The following MTMR3 variants were observed in gnomAD, a reference collection of about 807,000 sequenced individuals.
MTMR3 encodes phosphatidylinositol-3,5-bisphosphate 3-phosphatase MTMR3.
Under a neutral mutation model 132.4 loss-of-function variants are expected in MTMR3, and 32 were observed. The observed-to-expected ratio is 0.24, with a 90% CI of 0.18 to 0.32. MTMR3 has a LOEUF of 0.32. Among genes scored for constraint, MTMR3 ranks in the 10% least tolerant of loss-of-function variants. The pLI is 1.00. For synonymous variants in MTMR3, 556 were observed against 550.3 expected (o/e 1.01, Z -0.14); for missense variants, 1,216 against 1,489.6 (o/e 0.82, Z 3.02).
chr22:30,022,096 T>C lies in MTMR3; in HGVS notation c.3293T>C (p.Phe1098Ser). The C allele has an allele frequency of 1.2e-6, 2 of 1,614,216 alleles. No homozygotes were observed. The highest frequency in any genetic ancestry group is 1.7e-6 in the Non-Finnish European group (2 of 1,180,040). ...NCLSRCSTEI[F>S]SEASWEQVDK... ...TTGTCTCGCTGCAGCACAGAGATTT[T>C]CTCTGAAGCCAGCTGGGAGCAGGTG... Residue 1098 changes from phenylalanine (F) to serine (S), a missense_variant, in exon 18 of 20, where the codon TTC becomes TCC. By Grantham distance (155) the Phe-to-Ser change is radical (BLOSUM62 -2). This residue lies in a region of MTMR3 where 852 missense variants were observed against 852.0 expected (regional missense o/e 1.00). Transcript: ENST00000401950.
intron 15 of MTMR3, chr22:30,017,690 T>C: frequency 2.2e-6 from 1 of 464,244 alleles, no homozygotes; most frequent in South Asian, 3.5e-5. Context: ...CTAAAAAATA[T>C]TTTATATTTT....
At position 29,970,497 on chromosome 22, in the gene MTMR3, C is replaced by CTT. The variant is rs11326857; in HGVS notation, c.-84-452_-84-451dup. ...TACAGGCATGTGCTGCCATGACCAG[C>CTT]TTTTTTTTTTTTTTTTTTTTTTTTT... is the stretch of plus-strand genomic sequence containing the variant. On this transcript the variant is annotated intron_variant, in intron 2 of 19. Coordinates refer to ENST00000401950, the MANE Select transcript of MTMR3 (RefSeq NM_021090.4). 6.2e-3 allele frequency among the ~76,000 whole-genome samples: 361 copies of CTT among 57,782 alleles called. 29 individuals carry two copies. The highest frequency in any genetic ancestry group is 0.014 in the African/African-American group (178 of 12,696). 37.9% of individuals were successfully genotyped at this position (57,782 alleles called of 152,430 possible).
At chr22:29,919,987 G>A (rs951575276) in intron 1 of MTMR3, among the ~76,000 whole-genome samples, 3 of 151,930 alleles carry the variant, frequency 2.0e-5, no homozygotes, top group Admixed American at 6.6e-5. Context: ...AGGCTGAGGC[G>A]GGCAGATCAT....
chr22:30,002,328 C>G (rs2145927563), intron 8 of MTMR3: 1 of 152,570 alleles, frequency 6.6e-6, no homozygotes, highest in Non-Finnish European at 1.5e-5. Context: ...CCCATGGCTG[C>G]ACCTGTTACC....
rs755336966 is a variant in MTMR3, at chr22:29,978,472, A to G, written c.34A>G (p.Ile12Val). The G allele has an allele frequency of 1.7e-5, 27 of 1,613,718 alleles. No homozygotes were observed. Among genetic ancestry groups the G allele is most frequent in the East Asian group, 4.5e-5 (2 of 44,868 alleles). ...AGAGACTCGGCACAGCCTTGAGTGCATCCAGGCCAATCAGATCTTTCCCAG... is the reference window on the plus strand; with the variant it reads ...AGAGACTCGGCACAGCCTTGAGTGCGTCCAGGCCAATCAGATCTTTCCCAG... The part of the protein sequence containing the change: ...DEETRHSLEC[I>V]QANQIFPRKQ... Residue 12 changes from isoleucine (I) to valine (V), a missense_variant, in exon 4 of 20, where the codon ATC becomes GTC. Ile to Val is a conservative substitution (Grantham distance 29). This residue lies in a region of MTMR3 where 81 missense variants were observed against 87.7 expected (regional missense o/e 0.92). Coordinates refer to ENST00000401950, the MANE Select transcript of MTMR3 (RefSeq NM_021090.4).
intron 1 of MTMR3, among the ~76,000 whole-genome samples, chr22:29,939,181 T>TG (rs1473362933): frequency 6.6e-6 from 1 of 152,224 alleles, no homozygotes; most frequent in Non-Finnish European, 1.5e-5. Context: ...TTGTATTTGA[T>TG]GAAAATATGT....
At chr22:29,934,195 A>C (rs2065702349) in intron 1 of MTMR3, among the ~76,000 whole-genome samples, 5 of 152,156 alleles carry the variant, frequency 3.3e-5, no homozygotes. Flanking sequence ...TCTACTAAAA[A>C]TACAAAAAAT....
intron 1 of MTMR3, among the ~76,000 whole-genome samples, chr22:29,920,675 T>C (rs2145768265): frequency 6.6e-6 from 1 of 152,244 alleles, no homozygotes; most frequent in South Asian, 2.1e-4. Context: ...GATAAAGCTT[T>C]TTTTTTAACT....
chr22:29,938,462 G>A (rs1490193891), intron 1 of MTMR3, among the ~76,000 whole-genome samples: 1 of 152,234 alleles, frequency 6.6e-6, no homozygotes, highest in Non-Finnish European at 1.5e-5. Flanking sequence ...CTGCTCTTTG[G>A]GGACTTCCCC....
At chr22:29,968,181 G>A (rs980418182) in intron 2 of MTMR3, among the ~76,000 whole-genome samples, 2 of 152,130 alleles carry the variant, frequency 1.3e-5, no homozygotes, top group Admixed American at 6.5e-5. Flanking sequence ...CTCAGAGGTT[G>A]TACCACTTTA....
chr22:29,983,944 TTA>T (rs2066805661), intron 5 of MTMR3: 1 of 151,476 alleles, frequency 6.6e-6, no homozygotes, highest in Admixed American at 6.6e-5. Flanking sequence ...ATTTTTTATT[TTA>T]TTTTATTTTT....
At chr22:29,903,963 A>G (rs907128141) in intron 1 of MTMR3, among the ~76,000 whole-genome samples, 5 of 152,182 alleles carry the variant, frequency 3.3e-5, no homozygotes, top group African/African-American at 1.2e-4. Context: ...GCTATCATTA[A>G]TTTTGGCAGT....
chr22:29,960,961 C>T (rs560826643), intron 2 of MTMR3, among the ~76,000 whole-genome samples: 3 of 152,300 alleles, frequency 2.0e-5, no homozygotes, highest in African/African-American at 7.2e-5. Flanking sequence ...GCTGCTCCCA[C>T]TCTCTTCCCT....
chr22:29,908,004 G>A (rs1231056700), intron 1 of MTMR3, among the ~76,000 whole-genome samples: 1 of 152,186 alleles, frequency 6.6e-6, no homozygotes, highest in Non-Finnish European at 1.5e-5. Context: ...TGATTACATT[G>A]GTAGAAGGCA....
intron 1 of MTMR3, among the ~76,000 whole-genome samples, chr22:29,901,193 G>T (rs2064997318): frequency 6.6e-6 from 1 of 151,820 alleles, no homozygotes; most frequent in East Asian, 1.9e-4. Flanking sequence ...TATTACTTGG[G>T]CTTTATTCCC....
chr22:29,937,541 C>T lies in MTMR3; in HGVS notation c.-137-19495C>T, dbSNP rs1265287456. ...AAGTGATCCTCCTGCCTCAGCCTCC[C>T]GAGTAGCGGGGACTATAGGCTACAG... On this transcript the variant is annotated intron_variant, in intron 1 of 19. Coordinates refer to ENST00000401950, the MANE Select transcript of MTMR3 (RefSeq NM_021090.4). Among the ~76,000 whole-genome samples, 6 of 152,164 alleles carry T rather than the reference C, an allele frequency of 3.9e-5. 1 individual carries two copies. The highest frequency in any genetic ancestry group is 1.9e-4 in the East Asian group (1 of 5,176).
chr22:29,906,421 C>T (rs73396831), intron 1 of MTMR3, among the ~76,000 whole-genome samples: 5,602 of 151,958 alleles, frequency 0.037, 368 homozygotes, highest in African/African-American at 0.13. Flanking sequence ...AATCTCCTCC[C>T]GGGTTCAAGC....
intron 1 of MTMR3, among the ~76,000 whole-genome samples, chr22:29,932,869 C>T (rs1417033704): frequency 6.6e-6 from 1 of 152,136 alleles, no homozygotes; most frequent in Non-Finnish European, 1.5e-5. Context: ...TTATTTCTCC[C>T]TTTCTCCATA....
chr22:30,007,417 T>C, intron 10 of MTMR3, 98 bp downstream of exon 10: 1 of 1,204,060 alleles, frequency 8.3e-7, no homozygotes, highest in South Asian at 1.4e-5. Context: ...TTTACTTTTA[T>C]AGAAGTGAAT....
Sources: gnomAD v4.1 joint callset for allele counts (sites outside exome capture counted in the v4.1 genomes callset) on GRCh38, gnomAD v4.1.1 for gene constraint, gnomAD v4.1.1 regional missense constraint, MANE v1.5 for transcripts, NCBI Gene and HGNC (gene_info 2026-07-23, HGNC 2026-07-21) for gene names.